MTMR7: variants seen among roughly 807,000 people sequenced by gnomAD.
MTMR7 encodes the protein phosphatidylinositol-3-phosphate phosphatase MTMR7.
MTMR7 carries 76 observed loss-of-function variants against 81.2 expected under a neutral mutation model. That is an observed-to-expected ratio of 0.94 (90% CI 0.78 to 1.13). MTMR7 has a LOEUF of 1.13. Ranked by LOEUF, MTMR7 falls within the 50% of genes most tolerant of loss-of-function variation. The pLI is 0.00. For missense variants in MTMR7, 1,044 were observed against 820.0 expected, an observed-to-expected ratio of 1.27 and a Z score of -3.34; for synonymous variants, 372 against 289.8, an observed-to-expected ratio of 1.28 and a Z score of -2.88.
chr8:17,334,277 T>C (rs1002287779), intron 6 of MTMR7, among the ~76,000 whole-genome samples: 3 of 152,200 alleles, frequency 2.0e-5, no homozygotes, highest in Non-Finnish European at 4.4e-5. Context: ...TTAATAAAAA[T>C]TCAATGTTAT....
intron 6 of MTMR7, among the ~76,000 whole-genome samples, chr8:17,336,793 T>G (rs1819253663): frequency 6.6e-6 from 1 of 152,160 alleles, no homozygotes; most frequent in African/African-American, 2.4e-5. Context: ...GCTGGGAGGT[T>G]CTCTGGCCTC....
At chr8:17,372,888 G>C (rs1820463413) in intron 2 of MTMR7, 2 of 459,168 alleles carry the variant, frequency 4.4e-6, no homozygotes, top group Admixed American at 3.7e-5. Flanking sequence ...CTTCTGGCTA[G>C]TTCTAAGTCT....
chr8:17,354,084 A>G (rs1819814919), intron 4 of MTMR7, among the ~76,000 whole-genome samples: 1 of 152,230 alleles, frequency 6.6e-6, no homozygotes, highest in South Asian at 2.1e-4. Flanking sequence ...AGTGTCACTC[A>G]GCCCTCCAAG....
chr8:17,371,724 T>A (rs942710121), intron 2 of MTMR7, among the ~76,000 whole-genome samples: 2 of 152,182 alleles, frequency 1.3e-5, no homozygotes, highest in African/African-American at 2.4e-5. Flanking sequence ...TTTTATTTTT[T>A]AAATTAATAT....
intron 1 of MTMR7, among the ~76,000 whole-genome samples, chr8:17,386,032 T>C (rs1820928957): frequency 6.6e-6 from 1 of 152,202 alleles, no homozygotes; most frequent in Non-Finnish European, 1.5e-5. Flanking sequence ...ATTAATTAAA[T>C]CTGCTAAATT....
intron 1 of MTMR7, among the ~76,000 whole-genome samples, chr8:17,387,799 C>T (rs377043073): frequency 1.4e-4 from 22 of 152,238 alleles, no homozygotes; most frequent in African/African-American, 4.6e-4. Flanking sequence ...ATCACCCAAA[C>T]TTCCTATTCA....
intron 5 of MTMR7, among the ~76,000 whole-genome samples, chr8:17,344,463 T>C (rs1409311013): frequency 6.6e-6 from 1 of 151,986 alleles, no homozygotes; most frequent in African/African-American, 2.4e-5. Flanking sequence ...ATACAAAAAT[T>C]AGCCAGGAGT....
chr8:17,409,232 G>A (rs981990911), intron 1 of MTMR7, among the ~76,000 whole-genome samples: 1 of 152,176 alleles, frequency 6.6e-6, no homozygotes, highest in Non-Finnish European at 1.5e-5. Flanking sequence ...GCCAAGGCAA[G>A]TGGATCACCT....
chr8:17,367,318 G>A (rs758013834), intron 3 of MTMR7, among the ~76,000 whole-genome samples: 64 of 152,228 alleles, frequency 4.2e-4, no homozygotes, highest in South Asian at 2.1e-3. Flanking sequence ...CTAAGGAGGG[G>A]AAGATAATTG....
chr8:17,333,667 T>C (rs892543921), intron 6 of MTMR7, among the ~76,000 whole-genome samples: 2 of 151,982 alleles, frequency 1.3e-5, no homozygotes, highest in African/African-American at 2.4e-5. Context: ...CTGCGCAACA[T>C]GGCAAATCCC....
chr8:17,348,980 G>C lies in MTMR7; in HGVS notation c.570C>G (p.Val190=). 6.2e-7 allele frequency: 1 copy of C among 1,613,560 alleles called. No homozygotes were observed. Among genetic ancestry groups the C allele is most frequent in the Non-Finnish European group, 8.5e-7 (1 of 1,179,954 alleles). ...SKFRSRRRFP[V]LSYYYKDNHA... ...GGTTATCTTTATAATAGTAAGAAAG[G>C]ACAGGAAATCGCCGTCTACTCCGGA... Residue 190 remains valine (V), a synonymous_variant, in exon 5 of 14, where the codon GTC becomes GTG. Transcript: ENST00000180173.
intron 3 of MTMR7, among the ~76,000 whole-genome samples, chr8:17,369,456 G>A (rs2150563553): frequency 6.6e-6 from 1 of 151,822 alleles, no homozygotes; most frequent in Non-Finnish European, 1.5e-5. Flanking sequence ...CCAACCAAAT[G>A]CCTTGAAAAG....
intron 1 of MTMR7, among the ~76,000 whole-genome samples, chr8:17,376,410 G>A (rs1820589464): frequency 6.6e-6 from 1 of 152,308 alleles, no homozygotes; most frequent in African/African-American, 2.4e-5. Flanking sequence ...TTGAGCATAA[G>A]TTTTTGTATG....
chr8:17,330,955 C>T (rs10453162), intron 7 of MTMR7, among the ~76,000 whole-genome samples, 195 bp downstream of exon 7: 50,530 of 152,080 alleles, frequency 0.33, 10,140 homozygotes, highest in African/African-American at 0.55. Context: ...AACCACCAAG[C>T]GACAAAACCA....
intron 5 of MTMR7, among the ~76,000 whole-genome samples, chr8:17,343,806 T>C (rs1819474613): frequency 6.6e-6 from 1 of 152,232 alleles, no homozygotes; most frequent in African/African-American, 2.4e-5. Context: ...CAGTAATTGC[T>C]AACATGTGGT....
intron 1 of MTMR7, among the ~76,000 whole-genome samples, chr8:17,387,668 T>G (rs1282999781): frequency 1.3e-5 from 2 of 152,354 alleles, no homozygotes; most frequent in Non-Finnish European, 2.9e-5. Context: ...CTTGGGGTAC[T>G]TGATACACAC....
chr8:17,346,474 C>A (rs967425712), intron 5 of MTMR7, among the ~76,000 whole-genome samples: 3 of 152,044 alleles, frequency 2.0e-5, no homozygotes, highest in Admixed American at 2.0e-4. Flanking sequence ...CATTTTCAGG[C>A]CTGGAGGTTC....
At chr8:17,303,133 G>T (rs73210203) in intron 12 of MTMR7, among the ~76,000 whole-genome samples, 3 of 152,112 alleles carry the variant, frequency 2.0e-5, no homozygotes, top group Non-Finnish European at 4.4e-5. Flanking sequence ...TACTTTGAGG[G>T]CAAGGACTTG....
At chr8:17,362,339 C>G (rs931670016) in intron 3 of MTMR7, among the ~76,000 whole-genome samples, 3 of 152,232 alleles carry the variant, frequency 2.0e-5, no homozygotes, top group African/African-American at 7.2e-5. Flanking sequence ...GAACAGCTAT[C>G]TGTGGCCAGT....
Sources: gnomAD v4.1 joint callset for allele counts (sites outside exome capture counted in the v4.1 genomes callset) on GRCh38, gnomAD v4.1.1 for gene constraint, MANE v1.5 for transcripts, NCBI Gene and HGNC (gene_info 2026-07-23, HGNC 2026-07-21) for gene names.